CCBE1: variants seen among roughly 807,000 people sequenced by gnomAD.
CCBE1 encodes collagen and calcium-binding EGF domain-containing protein 1.
CCBE1 carries 37 observed loss-of-function variants against 50.0 expected under a neutral mutation model. The ratio of observed to expected loss-of-function variants is 0.74; its 90% CI spans 0.57 to 0.97. The LOEUF is 0.97. Ranked by LOEUF, CCBE1 falls within the 50% of genes least tolerant of loss-of-function variation. CCBE1 has a pLI of 0.00. For synonymous variants in CCBE1, 234 were observed against 203.7 expected (o/e 1.15, Z -1.27); for missense variants, 538 against 523.8 (o/e 1.03, Z -0.26).
At position 59,611,439 on chromosome 18, in the gene CCBE1, AG is replaced by A. The variant is rs1202668021; in HGVS notation, c.212+85189del. On this transcript the variant is annotated intron_variant, in intron 2 of 10. Coordinates refer to ENST00000439986, the MANE Select transcript of CCBE1 (RefSeq NM_133459.4). ...AGAAGCCCACACATGAGTGAAGCAG[AG>A]GACTGTCAAGAAGCATTTTTCGGGC... 2.0e-5 allele frequency among the ~76,000 whole-genome samples: 3 copies of A among 152,346 alleles called. No homozygotes were observed. In the East Asian group the frequency reaches 5.8e-4, roughly 29 times the overall value.
intron 2 of CCBE1, among the ~76,000 whole-genome samples, chr18:59,531,206 C>G (rs1915034837): frequency 6.6e-6 from 1 of 152,090 alleles, no homozygotes; most frequent in Non-Finnish European, 1.5e-5. Flanking sequence ...ATTACCAAAA[C>G]TGAATGAGAA....
chr18:59,665,320 A>G (rs1293744269), intron 2 of CCBE1, among the ~76,000 whole-genome samples: 2 of 152,170 alleles, frequency 1.3e-5, no homozygotes, highest in African/African-American at 2.4e-5. Context: ...AGGTGTATTG[A>G]CTTCAGCTCT....
intron 2 of CCBE1, among the ~76,000 whole-genome samples, chr18:59,680,199 C>T (rs1314952525): frequency 2.7e-5 from 4 of 146,178 alleles, no homozygotes; most frequent in East Asian, 2.1e-4. Context: ...CCAGCCTGGG[C>T]GACAGAGTGA....
At chr18:59,586,341 A>G (rs1218803508) in intron 2 of CCBE1, among the ~76,000 whole-genome samples, 3 of 152,218 alleles carry the variant, frequency 2.0e-5, no homozygotes, top group Non-Finnish European at 2.9e-5. Flanking sequence ...GAAGAATCAA[A>G]TCTACACAAA....
rs2053446155 is a variant in CCBE1, at chr18:59,602,487, C to A, written c.212+94142G>T. Among the ~76,000 whole-genome samples the A allele has an allele frequency of 2.0e-5, 3 of 152,038 alleles. No individual in the cohort carries two copies. In the South Asian group the frequency reaches 6.2e-4, roughly 31 times the overall value. On this transcript the variant is annotated intron_variant, in intron 2 of 10. Transcript: ENST00000439986. ...TGCAAAGTATAAATTCAATATAAAA[C>A]CATTGGATAAATAAGTTTTCCCATC...
rs142215088 is a variant in CCBE1 at position 59,681,376 on chromosome 18, T to C, written c.212+15253A>G. Among the ~76,000 whole-genome samples, 82 of 152,308 alleles carry C rather than the reference T, an allele frequency of 5.4e-4. 1 individual carries two copies. Among genetic ancestry groups the C allele is most frequent in the African/African-American group, 1.9e-3 (81 of 41,566 alleles). ...TAAGAAACATACTAAGTCCAGTATG[T>C]TAAGATAAAAGATGTGTAAGAAATT... On this transcript the variant is annotated intron_variant, in intron 2 of 10. Coordinates refer to ENST00000439986, the MANE Select transcript of CCBE1 (RefSeq NM_133459.4).
At chr18:59,612,383 T>G (rs937576147) in intron 2 of CCBE1, among the ~76,000 whole-genome samples, 4 of 150,058 alleles carry the variant, frequency 2.7e-5, no homozygotes, top group Non-Finnish European at 5.9e-5. Flanking sequence ...GGTGGCAGCT[T>G]AGAACAATGC....
At chr18:59,527,936 G>C (rs1433244505) in intron 2 of CCBE1, among the ~76,000 whole-genome samples, 1 of 152,162 alleles carries the variant, frequency 6.6e-6, no homozygotes, top group Non-Finnish European at 1.5e-5. Flanking sequence ...CAACCTTGGA[G>C]AATCTGTGAT....
chr18:59,605,424 G>T (rs1289151462), intron 2 of CCBE1, among the ~76,000 whole-genome samples: 1 of 152,206 alleles, frequency 6.6e-6, no homozygotes, highest in Admixed American at 6.5e-5. Context: ...ACAGAATAAA[G>T]GGGGCATCTC....
Position 59,696,822 on chromosome 18 carries a change from T to A in CCBE1, c.132-113A>T, listed in dbSNP as rs1021365409. On this transcript the variant is annotated intron_variant, in intron 1 of 10. Coordinates refer to ENST00000439986, the MANE Select transcript of CCBE1 (RefSeq NM_133459.4). ...ATCGCCAGGCTCCCCGTCCCGGCGC[T>A]CTGGGCAGGGGCTGGTCCCCAAACG... 4.2e-6 allele frequency: 5 copies of A among 1,180,204 alleles called. No individual in the cohort carries two copies. In the African/African-American group the frequency reaches 7.5e-5, roughly 18 times the overall value. 73.1% of individuals were successfully genotyped at this position (1,180,204 alleles called of 1,614,324 possible).
intron 2 of CCBE1, among the ~76,000 whole-genome samples, chr18:59,521,810 T>C (rs1476650917): frequency 1.3e-5 from 2 of 152,212 alleles, no homozygotes; most frequent in African/African-American, 2.4e-5. Flanking sequence ...TCATTGAACT[T>C]GGTGGACATC....
intron 2 of CCBE1, among the ~76,000 whole-genome samples, chr18:59,658,075 G>T (rs182780379): frequency 4.2e-4 from 63 of 151,738 alleles, no homozygotes; most frequent in African/African-American, 1.5e-3. Context: ...CTTAGGCAGG[G>T]TGTATTCACC....
At chr18:59,660,795 G>T (rs367976435) in intron 2 of CCBE1, among the ~76,000 whole-genome samples, 1 of 152,006 alleles carries the variant, frequency 6.6e-6, no homozygotes, top group African/African-American at 2.4e-5. Flanking sequence ...TGTGATTCAC[G>T]GAAGCAATCA....
intron 3 of CCBE1, 39 bp from the exon 4 acceptor site, chr18:59,469,646 G>A (rs373782286): frequency 8.7e-6 from 14 of 1,612,930 alleles, no homozygotes; most frequent in East Asian, 4.5e-5. Flanking sequence ...AACTACAGGA[G>A]GAGGCGGAGT....
chr18:59,515,698 T>C (rs140241522), intron 2 of CCBE1, among the ~76,000 whole-genome samples: 1 of 152,276 alleles, frequency 6.6e-6, no homozygotes, highest in Non-Finnish European at 1.5e-5. Context: ...TCTCATAAAG[T>C]CATCTTTAGA....
intron 2 of CCBE1, among the ~76,000 whole-genome samples, chr18:59,585,212 G>A (rs2053160803): frequency 6.6e-6 from 1 of 151,986 alleles, no homozygotes; most frequent in Non-Finnish European, 1.5e-5. Flanking sequence ...ATCTGTTACA[G>A]GCAACCCCTT....
chr18:59,677,250 A>C (rs554133656), intron 2 of CCBE1, among the ~76,000 whole-genome samples: 1 of 152,230 alleles, frequency 6.6e-6, no homozygotes, highest in Non-Finnish European at 1.5e-5. Flanking sequence ...GATACATTTG[A>C]TAAAAGATTT....
chr18:59,572,675 A>G (rs961295502), intron 2 of CCBE1, among the ~76,000 whole-genome samples: 4 of 152,176 alleles, frequency 2.6e-5, no homozygotes, highest in Non-Finnish European at 5.9e-5. Context: ...GCAAATAGAG[A>G]TATGTTTGCT....
At chr18:59,468,146 G>T (rs930801805) in intron 4 of CCBE1, among the ~76,000 whole-genome samples, 3 of 152,144 alleles carry the variant, frequency 2.0e-5, no homozygotes, top group Admixed American at 6.5e-5. Flanking sequence ...CCAGCGCTTT[G>T]GGGGGGCCAA....
Sources: gnomAD v4.1 joint callset for allele counts (sites outside exome capture counted in the v4.1 genomes callset) on GRCh38, gnomAD v4.1.1 for gene constraint, MANE v1.5 for transcripts, NCBI Gene and HGNC (gene_info 2026-07-23, HGNC 2026-07-21) for gene names.